Variants in CNTNAP2 observed in about 807,000 individuals in gnomAD.
CNTNAP2 encodes contactin associated protein 2, also known as contactin-associated protein-like 2.
A neutral mutation model predicts 155.2 loss-of-function variants in CNTNAP2; 98 were observed. The observed-to-expected ratio is 0.63, with a 90% CI of 0.54 to 0.75. The LOEUF (loss-of-function observed/expected upper bound fraction) is 0.75. CNTNAP2 is among the 30% of genes least tolerant of loss of function. CNTNAP2 has a pLI of 0.00. For missense variants in CNTNAP2, 1,727 were observed against 1,688.1 expected (o/e 1.02, Z -0.40); for synonymous variants, 651 against 631.2 (o/e 1.03, Z -0.47).
intron 11 of CNTNAP2, among the ~76,000 whole-genome samples, chr7:147,512,530 A>G (rs558164475): frequency 1.3e-5 from 2 of 152,314 alleles, no homozygotes; most frequent in Non-Finnish European, 2.9e-5. Context: ...TCATAACTAA[A>G]GATCAAAGTA....
intron 12 of CNTNAP2, among the ~76,000 whole-genome samples, chr7:147,630,316 T>TAAAAAAAAAAAAAAAAAAAAAAAAAAA (rs71183024): frequency 5.5e-5 from 4 of 73,106 alleles, no homozygotes; most frequent in Admixed American, 1.4e-4. Flanking sequence ...GAAACAGTAG[T>TAAAAAAAAAAAAAAAAAAAAAAAAAAA]AAAAAAAAAA....
intron 1 of CNTNAP2, among the ~76,000 whole-genome samples, chr7:146,772,386 C>T (rs962821213): frequency 2.0e-5 from 3 of 151,068 alleles, no homozygotes; most frequent in Non-Finnish European, 4.4e-5. Context: ...GGGCCAGGTG[C>T]GGTGGCTCAC....
chr7:147,676,174 T>C (rs2116973470), intron 13 of CNTNAP2, among the ~76,000 whole-genome samples: 1 of 152,138 alleles, frequency 6.6e-6, no homozygotes, highest in Non-Finnish European at 1.5e-5. Context: ...ATATCTGTAT[T>C]GAAAATAGAC....
At chr7:147,734,344 C>T (rs1796799567) in intron 13 of CNTNAP2, among the ~76,000 whole-genome samples, 1 of 152,116 alleles carries the variant, frequency 6.6e-6, no homozygotes, top group Non-Finnish European at 1.5e-5. Flanking sequence ...GTTGAACCAG[C>T]CTTGCATCCC....
intron 13 of CNTNAP2, among the ~76,000 whole-genome samples, chr7:147,659,480 T>C (rs1319936747): frequency 6.6e-6 from 1 of 152,302 alleles, no homozygotes; most frequent in South Asian, 2.1e-4. Flanking sequence ...ACTACCAACA[T>C]AGAGGAAACC....
intron 8 of CNTNAP2, among the ~76,000 whole-genome samples, chr7:147,227,899 GGAGT>G (rs1803585194): frequency 6.6e-6 from 1 of 152,150 alleles, no homozygotes; most frequent in Non-Finnish European, 1.5e-5. Flanking sequence ...GAATGCTAAG[GGAGT>G]GAGTGTAGAA....
chr7:146,851,599 T>C (rs1036049938), intron 3 of CNTNAP2, among the ~76,000 whole-genome samples: 2 of 151,830 alleles, frequency 1.3e-5, no homozygotes, highest in Non-Finnish European at 2.9e-5. Context: ...ACTCTCTCCT[T>C]GGCTCGCAGG....
intron 3 of CNTNAP2, among the ~76,000 whole-genome samples, chr7:146,944,925 C>G (rs1038260102): frequency 6.6e-6 from 1 of 151,904 alleles, no homozygotes; most frequent in East Asian, 1.9e-4. Flanking sequence ...CTATGCATAG[C>G]AATTTAATGG....
chr7:146,521,966 T>G (rs1461404949), intron 1 of CNTNAP2, among the ~76,000 whole-genome samples: 1 of 151,444 alleles, frequency 6.6e-6, no homozygotes, highest in Non-Finnish European at 1.5e-5. Context: ...ATGATGACTT[T>G]CACTGTTTTT....
intron 1 of CNTNAP2, among the ~76,000 whole-genome samples, chr7:146,187,416 G>A (rs1798639926): frequency 6.6e-6 from 1 of 152,126 alleles, no homozygotes; most frequent in South Asian, 2.1e-4. Context: ...AATGGCATGG[G>A]CCACAAAGTA....
chr7:147,075,179 A>T (rs1799972052), intron 4 of CNTNAP2, among the ~76,000 whole-genome samples: 1 of 152,242 alleles, frequency 6.6e-6, no homozygotes, highest in Non-Finnish European at 1.5e-5. Context: ...ATCTCATTTT[A>T]TAAATAAATG....
intron 10 of CNTNAP2, among the ~76,000 whole-genome samples, chr7:147,424,242 A>G (rs1007789342): frequency 6.6e-6 from 1 of 152,130 alleles, no homozygotes; most frequent in Non-Finnish European, 1.5e-5. Context: ...TTTTAAAGTA[A>G]CAATCATCAT....
intron 12 of CNTNAP2, among the ~76,000 whole-genome samples, chr7:147,601,599 T>C (rs1289125090): frequency 6.9e-6 from 1 of 145,798 alleles, no homozygotes; most frequent in Admixed American, 7.1e-5. Flanking sequence ...GCCTGACAAG[T>C]ATATTTTAGT....
intron 13 of CNTNAP2, among the ~76,000 whole-genome samples, chr7:147,852,013 C>G (rs950387791): frequency 2.6e-5 from 4 of 152,116 alleles, no homozygotes; most frequent in African/African-American, 7.2e-5. Context: ...ATAAGAACTA[C>G]TTATCCTGGG....
rs763628321 is a variant in CNTNAP2 at position 147,983,433 on chromosome 7, CAA to C, written c.2383+5453_2383+5454del. Among the ~76,000 whole-genome samples, 3 of 142,090 alleles carry C rather than the reference CAA, an allele frequency of 2.1e-5. No homozygotes were observed. The South Asian group carries it at 7.0e-4, about 33-fold the overall frequency. The allele number at this position is 142,090 out of a possible 152,430, so 93.2% of individuals were successfully genotyped here. A position where few individuals can be genotyped will look rare whatever the true frequency, so the allele number is the denominator to read the frequency against. ...ATCCCTTAATAGGTGATACTGTTGA[CAA>C]AAAAAAAATAAAAATAAAAATAAAT... On this transcript the variant is annotated intron_variant, in intron 15 of 23. Transcript: ENST00000361727.
chr7:146,774,782 AG>A (rs1199430445), intron 2 of CNTNAP2, among the ~76,000 whole-genome samples: 1 of 152,212 alleles, frequency 6.6e-6, no homozygotes, highest in Non-Finnish European at 1.5e-5. Flanking sequence ...TAATGTAAAA[AG>A]TTAGTTCCTA....
chr7:146,774,685 G>C (rs982884133), intron 2 of CNTNAP2, among the ~76,000 whole-genome samples: 2 of 152,028 alleles, frequency 1.3e-5, no homozygotes, highest in Non-Finnish European at 2.9e-5. Context: ...CTATTAATCA[G>C]AAAATCATTT....
chr7:146,408,699 C>G (rs111363209), intron 1 of CNTNAP2, among the ~76,000 whole-genome samples: 2,235 of 151,884 alleles, frequency 0.015, 63 homozygotes, highest in African/African-American at 0.052. Context: ...GTGCAGCACA[C>G]CAACATGGCA....
intron 21 of CNTNAP2, among the ~76,000 whole-genome samples, chr7:148,369,675 T>C (rs531429205): frequency 1.4e-5 from 2 of 144,822 alleles, no homozygotes; most frequent in Non-Finnish European, 3.1e-5. Flanking sequence ...ATTATTATTA[T>C]TATTACTATT....
Sources: gnomAD v4.1 joint callset for allele counts (sites outside exome capture counted in the v4.1 genomes callset) on GRCh38, gnomAD v4.1.1 for gene constraint, MANE v1.5 for transcripts, NCBI Gene and HGNC (gene_info 2026-07-23, HGNC 2026-07-21) for gene names.